Variants in TIMP3 observed in about 807,000 individuals in gnomAD.
TIMP3 encodes the protein metalloproteinase inhibitor 3.
TIMP3 carries 11 observed loss-of-function variants against 30.0 expected under a neutral mutation model. The observed-to-expected ratio is 0.37, with a 90% CI of 0.23 to 0.61. The LOEUF (loss-of-function observed/expected upper bound fraction) is 0.61. Ranked by LOEUF, TIMP3 falls within the 20% of genes least tolerant of loss-of-function variation. The pLI is 0.70. For missense variants in TIMP3, 181 were observed against 276.8 expected (o/e 0.65, Z 2.45); for synonymous variants, 112 against 111.3 (o/e 1.01, Z -0.04).
At chr22:32,814,156 G>GAC (rs1349992539) in intron 1 of TIMP3, among the ~76,000 whole-genome samples, 5 of 135,274 alleles carry the variant, frequency 3.7e-5, no homozygotes, top group Non-Finnish European at 7.8e-5. Flanking sequence ...GAGAGAGAGA[G>GAC]AGAGAGAGAG....
At position 32,859,464 on chromosome 22, in the gene TIMP3, T is replaced by G. The variant is rs886057434; in HGVS notation, c.*87T>G. ...CTCTTCCCAGATGATGACAATGAAATTAGTGCCTGTTTTCTTGCAAATTTA... is the reference window on the plus strand; with the variant it reads ...CTCTTCCCAGATGATGACAATGAAAGTAGTGCCTGTTTTCTTGCAAATTTA... On this transcript the variant is annotated 3_prime_UTR_variant, in exon 5 of 5. Coordinates refer to ENST00000266085, the MANE Select transcript of TIMP3 (RefSeq NM_000362.5). The G allele has an allele frequency of 4.6e-5, 68 of 1,469,530 alleles. No individual in the cohort carries two copies. The highest frequency in any genetic ancestry group is 6.1e-5 in the Non-Finnish European group (67 of 1,093,302). The allele number at this position is 1,469,530 out of a possible 1,614,324, so 91.0% of individuals were successfully genotyped here.
chr22:32,858,772 G>C (rs977124850), intron 4 of TIMP3, among the ~76,000 whole-genome samples: 1 of 152,136 alleles, frequency 6.6e-6, no homozygotes. Context: ...ACAGTTCACT[G>C]AATCTGGTTT....
At chr22:32,854,587 T>C (rs900191403) in intron 2 of TIMP3, among the ~76,000 whole-genome samples, 1 of 152,122 alleles carries the variant, frequency 6.6e-6, no homozygotes, top group Non-Finnish European at 1.5e-5. Flanking sequence ...GGGTAGGGGA[T>C]GTTCTTCGAA....
chr22:32,853,898 A>T (rs189944521), intron 2 of TIMP3, among the ~76,000 whole-genome samples: 2 of 152,328 alleles, frequency 1.3e-5, no homozygotes. Context: ...AGTGGCGAAC[A>T]CAGGTGGCAG....
chr22:32,803,908 A>G (rs1437863734), intron 1 of TIMP3, among the ~76,000 whole-genome samples: 2 of 151,900 alleles, frequency 1.3e-5, no homozygotes, highest in African/African-American at 2.4e-5. Context: ...TGGGGTTTCT[A>G]CCCTAAAAAT....
intron 2 of TIMP3, 38 bp downstream of exon 2, chr22:32,849,572 T>C: frequency 6.3e-7 from 1 of 1,592,748 alleles, no homozygotes; most frequent in Non-Finnish European, 8.6e-7. Context: ...GGAAGGTTTT[T>C]GGGTTTTTGC....
chr22:32,834,366 T>C (rs967363018), intron 1 of TIMP3, among the ~76,000 whole-genome samples: 19 of 152,236 alleles, frequency 1.2e-4, no homozygotes, highest in Admixed American at 3.9e-4. Flanking sequence ...TTCCACCGTG[T>C]TGGCCAGGCT....
In TIMP3 at chr22:32,858,234, G is replaced by A. The variant is rs188568145; in HGVS notation, c.438+96G>A. 2.5e-4 allele frequency: 397 copies of A among 1,558,198 alleles called. 1 individual carries two copies. The East Asian group carries it at 7.2e-3, about 28-fold the overall frequency. The stretch of plus-strand genomic sequence containing the variant: ...TGCACTGGGTGCCAGGCCCTCGGCT[G>A]GGAAGGGTATGCATGTGTTAGGCCA... On this transcript the variant is annotated intron_variant, in intron 4 of 4. Coordinates refer to ENST00000266085, the MANE Select transcript of TIMP3 (RefSeq NM_000362.5).
At chr22:32,844,513 A>G (rs909962690) in intron 1 of TIMP3, among the ~76,000 whole-genome samples, 1 of 152,220 alleles carries the variant, frequency 6.6e-6, no homozygotes, top group African/African-American at 2.4e-5. Context: ...CAAAGGAAGC[A>G]AAGACAGTTC....
At chr22:32,859,062 A>C (rs2048459171) in intron 4 of TIMP3, 118 bp from the exon 5 acceptor site, 3 of 889,154 alleles carry the variant, frequency 3.4e-6, no homozygotes, top group Non-Finnish European at 5.7e-6. Context: ...TCACTGAGGG[A>C]CTGATGTGGC....
At chr22:32,845,533 C>G (rs1346342544) in intron 1 of TIMP3, among the ~76,000 whole-genome samples, 1 of 152,144 alleles carries the variant, frequency 6.6e-6, no homozygotes, top group African/African-American at 2.4e-5. Flanking sequence ...GACTAGCCAT[C>G]AGTGGAAGCG....
chr22:32,804,289 G>A (rs1051579215), intron 1 of TIMP3, among the ~76,000 whole-genome samples: 7 of 152,090 alleles, frequency 4.6e-5, no homozygotes, highest in Non-Finnish European at 1.0e-4. Flanking sequence ...CTTGCCTGCC[G>A]ACCTCCCTCG....
rs140535809 is a variant in TIMP3 at position 32,808,024 on chromosome 22, G to A, written c.121+5902G>A. Among the ~76,000 whole-genome samples, 1,289 of 152,182 alleles carry A rather than the reference G, an allele frequency of 8.5e-3. 19 individuals carry two copies. Among genetic ancestry groups the A allele is most frequent in the African/African-American group, 0.027 (1,138 of 41,502 alleles). On this transcript the variant is annotated intron_variant, in intron 1 of 4. Coordinates refer to ENST00000266085, the MANE Select transcript of TIMP3 (RefSeq NM_000362.5). Reference sequence around the variant, plus strand: ...TGAAAGGGAGCAAAATTAGGGCCACGAAGATCAAGTTAATGGGAGTATTTT... The same window carrying A: ...TGAAAGGGAGCAAAATTAGGGCCACAAAGATCAAGTTAATGGGAGTATTTT...
rs139474181 is a variant in TIMP3, at chr22:32,857,999, T to C, written c.317-18T>C. 7.4e-5 allele frequency: 119 copies of C among 1,614,180 alleles called. No homozygotes were observed. Among genetic ancestry groups the C allele is most frequent in the Non-Finnish European group, 9.4e-5 (111 of 1,180,012 alleles). ...TGGACAAAACAACCTCTCCTTGTTT[T>C]CTTCTTTCCTCCTGTAGGTCGCGTC... On this transcript the variant is annotated intron_variant, in intron 3 of 4. Transcript: ENST00000266085.
intron 1 of TIMP3, among the ~76,000 whole-genome samples, chr22:32,842,182 G>T (rs1010720119): frequency 6.6e-6 from 1 of 152,156 alleles, no homozygotes; most frequent in Non-Finnish European, 1.5e-5. Context: ...CAGACCCCAC[G>T]TGCTCCATGC....
chr22:32,847,284 G>A lies in TIMP3; in HGVS notation c.122-2168G>A, dbSNP rs568198344. Among the ~76,000 whole-genome samples, 33 of 152,268 alleles carry A rather than the reference G, an allele frequency of 2.2e-4. No individual in the cohort carries two copies. In the East Asian group the frequency reaches 6.0e-3, roughly 28 times the overall value. ...GCCTCCGGGAGGCTGGCTTGTCGCC[G>A]AGAATACTACCGCAATGTTAGAAAC... On this transcript the variant is annotated intron_variant, in intron 1 of 4. Coordinates refer to ENST00000266085, the MANE Select transcript of TIMP3 (RefSeq NM_000362.5).
At chr22:32,838,675 C>G (rs981477445) in intron 1 of TIMP3, among the ~76,000 whole-genome samples, 3 of 152,068 alleles carry the variant, frequency 2.0e-5, no homozygotes, top group African/African-American at 7.2e-5. Context: ...CACATTTTTA[C>G]TTGTCCCTTC....
At chr22:32,827,033 G>C (rs2047433021) in intron 1 of TIMP3, among the ~76,000 whole-genome samples, 2 of 152,176 alleles carry the variant, frequency 1.3e-5, no homozygotes, top group African/African-American at 4.8e-5. Flanking sequence ...ACTGAGATTT[G>C]TTCACTGGAA....
chr22:32,844,868 G>A (rs137964248), intron 1 of TIMP3, among the ~76,000 whole-genome samples: 9 of 151,950 alleles, frequency 5.9e-5, no homozygotes, highest in Non-Finnish European at 1.0e-4. Context: ...ACGGCACCAT[G>A]CCTGGCTAAT....
Sources: allele counts gnomAD v4.1 joint callset (sites outside exome capture counted in the v4.1 genomes callset), GRCh38; gene constraint gnomAD v4.1.1; transcripts MANE v1.5; gene names NCBI Gene and HGNC (gene_info 2026-07-23, HGNC 2026-07-21).